The following COMMD10 variants were observed in gnomAD, a reference collection of about 807,000 sequenced individuals.
The protein encoded by COMMD10 is COMM domain-containing protein 10.
Under a neutral mutation model 28.9 loss-of-function variants are expected in COMMD10, and 33 were observed. That is an observed-to-expected ratio of 1.14 (90% CI 0.87 to 1.53). The LOEUF is 1.53. Among genes scored for constraint, COMMD10 ranks in the 40% most tolerant of loss-of-function variants. The pLI is 0.00. For missense variants in COMMD10, 310 were observed against 233.4 expected (o/e 1.33, Z -2.14); for synonymous variants, 110 against 81.7 (o/e 1.35, Z -1.87).
At chr5:116,174,057 A>G (rs1049299182) in intron 5 of COMMD10, among the ~76,000 whole-genome samples, 6 of 152,094 alleles carry the variant, frequency 3.9e-5, no homozygotes, top group South Asian at 4.1e-4. Flanking sequence ...ATAAGTGTAT[A>G]CTCTATCAGG....
intron 5 of COMMD10, among the ~76,000 whole-genome samples, chr5:116,142,025 T>C (rs572829442): frequency 6.6e-6 from 1 of 151,872 alleles, no homozygotes; most frequent in South Asian, 2.1e-4. Context: ...GTGCTTACTG[T>C]AGAAAACTTA....
chr5:116,196,829 A>T (rs1424439839), intron 5 of COMMD10, among the ~76,000 whole-genome samples: 1 of 152,140 alleles, frequency 6.6e-6, no homozygotes, highest in East Asian at 1.9e-4. Context: ...TATAAAGGAC[A>T]TCATATTACT....
rs1348490968 is a variant in COMMD10, at chr5:116,211,680, C to T, written c.510+77502C>T. Among the ~76,000 whole-genome samples, 3 of 152,030 alleles carry T rather than the reference C, an allele frequency of 2.0e-5. No individual in the cohort carries two copies. The South Asian group carries it at 6.2e-4, about 32-fold the overall frequency. On this transcript the variant is annotated intron_variant, in intron 5 of 6. Coordinates refer to ENST00000274458, the MANE Select transcript of COMMD10 (RefSeq NM_016144.4). Reference sequence around the variant, plus strand: ...TACATGGATGCATTTTCAATTGCTTCTCAAATATATGGAGTATTTTAAATA... The same window carrying T: ...TACATGGATGCATTTTCAATTGCTTTTCAAATATATGGAGTATTTTAAATA...
chr5:116,148,444 G>A (rs972929839), intron 5 of COMMD10, among the ~76,000 whole-genome samples: 3 of 151,530 alleles, frequency 2.0e-5, no homozygotes, highest in Non-Finnish European at 4.4e-5. Context: ...ATTATAAAGG[G>A]GTAATTTTAC....
At chr5:116,142,795 AGG>A (rs1391964600) in intron 5 of COMMD10, among the ~76,000 whole-genome samples, 1 of 151,706 alleles carries the variant, frequency 6.6e-6, no homozygotes, top group Non-Finnish European at 1.5e-5. Context: ...AACATGTAGA[AGG>A]AATCTGATCA....
chr5:116,228,501 G>C (rs993791305), intron 5 of COMMD10, among the ~76,000 whole-genome samples: 1 of 151,826 alleles, frequency 6.6e-6, no homozygotes, highest in East Asian at 1.9e-4. Flanking sequence ...AGAATTGTAG[G>C]TTTCAAAAAA....
At chr5:116,283,644 ACCTGTTATTTTGAGG>A in intron 5 of COMMD10, among the ~76,000 whole-genome samples, 1 of 151,694 alleles carries the variant, frequency 6.6e-6, no homozygotes, top group South Asian at 2.1e-4. Flanking sequence ...TCAAAATAAG[ACCTGTTATTTTGAGG>A]CCTGGCCTCA....
intron 4 of COMMD10, among the ~76,000 whole-genome samples, chr5:116,112,873 G>A (rs888990028): frequency 2.0e-5 from 3 of 151,708 alleles, no homozygotes; most frequent in African/African-American, 7.3e-5. Flanking sequence ...TTCTGTAATG[G>A]TTTCATTTGA....
chr5:116,271,490 G>A (rs80028833), intron 5 of COMMD10, among the ~76,000 whole-genome samples: 2,187 of 151,214 alleles, frequency 0.014, 79 homozygotes, highest in African/African-American at 0.046. Flanking sequence ...TTTCTATTAT[G>A]TAAGTATAAG....
chr5:116,217,111 C>T (rs1379392321), intron 5 of COMMD10, among the ~76,000 whole-genome samples: 1 of 150,216 alleles, frequency 6.7e-6, no homozygotes, highest in East Asian at 1.9e-4. Flanking sequence ...AATAAATGAC[C>T]TTAGGGAAGA....
intron 5 of COMMD10, among the ~76,000 whole-genome samples, chr5:116,221,081 CTTTT>C (rs70978610): frequency 7.0e-6 from 1 of 142,558 alleles, no homozygotes; most frequent in Admixed American, 7.0e-5. Flanking sequence ...TTGAGATACT[CTTTT>C]TTTTTTTTTT....
intron 5 of COMMD10, among the ~76,000 whole-genome samples, chr5:116,171,907 A>G (rs1416909561): frequency 1.3e-5 from 2 of 152,160 alleles, no homozygotes; most frequent in Non-Finnish European, 2.9e-5. Context: ...ACAAACCACC[A>G]TGGCACGTGT....
At chr5:116,248,820 G>A (rs953084457) in intron 5 of COMMD10, among the ~76,000 whole-genome samples, 1 of 151,788 alleles carries the variant, frequency 6.6e-6, no homozygotes, top group Non-Finnish European at 1.5e-5. Flanking sequence ...GAAATATACT[G>A]ACAAAATTGA....
In COMMD10 at chr5:116,258,235, A is replaced by G. The variant is rs560535741; in HGVS notation, c.511-33282A>G. ...CGAATTTCAATACTCTTTTCTAACA[A>G]TGTCTTAGAATTTTGTAGTATATCT... is the stretch of plus-strand genomic sequence containing the variant. On this transcript the variant is annotated intron_variant, in intron 5 of 6. Transcript: ENST00000274458. 7.2e-5 allele frequency among the ~76,000 whole-genome samples: 11 copies of G among 151,878 alleles called. 1 individual carries two copies. The highest frequency in any genetic ancestry group is 2.1e-4 in the South Asian group (1 of 4,818).
In COMMD10 at chr5:116,277,878, A is replaced by G. The variant is rs1459946700; in HGVS notation, c.511-13639A>G. On this transcript the variant is annotated intron_variant, in intron 5 of 6. Transcript: ENST00000274458. ...TTATTTCATTCAGGATGCCAAATAC[A>G]TAGTAGCTCCTGAAAGTACAAATGC... 4.6e-5 allele frequency among the ~76,000 whole-genome samples: 7 copies of G among 152,026 alleles called. No homozygotes were observed. The East Asian group carries it at 1.2e-3, about 25-fold the overall frequency.
intron 2 of COMMD10, 69 bp from the exon 3 acceptor site, chr5:116,091,010 C>T (rs1750277497): frequency 1.1e-5 from 10 of 882,042 alleles, no homozygotes; most frequent in Non-Finnish European, 1.8e-5. Flanking sequence ...ATAAATGAAT[C>T]TTCTGTCAAG....
chr5:116,207,524 A>G (rs1748843477), intron 5 of COMMD10, among the ~76,000 whole-genome samples: 1 of 103,414 alleles, frequency 9.7e-6, no homozygotes, highest in Admixed American at 1.2e-4. Context: ...AAAAATAAGT[A>G]TTTCAGATTT....
chr5:116,120,503 A>G (rs1239981523), intron 4 of COMMD10, among the ~76,000 whole-genome samples: 1 of 152,128 alleles, frequency 6.6e-6, no homozygotes. Context: ...TATTGAAATA[A>G]AATTAAAAAA....
intron 5 of COMMD10, among the ~76,000 whole-genome samples, chr5:116,226,959 A>G (rs1476899794): frequency 1.3e-5 from 2 of 152,062 alleles, no homozygotes; most frequent in Admixed American, 1.3e-4. Context: ...CTCATTTCAT[A>G]TGAGTTCATA....
Sources: allele counts gnomAD v4.1 joint callset (sites outside exome capture counted in the v4.1 genomes callset), GRCh38; gene constraint gnomAD v4.1.1; transcripts MANE v1.5; gene names NCBI Gene and HGNC (gene_info 2026-07-23, HGNC 2026-07-21).